VMP1: variants seen among roughly 807,000 people sequenced by gnomAD.
VMP1 encodes the protein vacuole membrane protein 1.
A neutral mutation model predicts 56.0 loss-of-function variants in VMP1; 11 were observed. The ratio of observed to expected loss-of-function variants is 0.20; its 90% CI spans 0.12 to 0.32. The LOEUF is 0.32. VMP1 is among the 10% of genes least tolerant of loss of function. VMP1 has a pLI of 1.00. For missense variants in VMP1, 296 were observed against 490.3 expected (o/e 0.60, Z 3.74); for synonymous variants, 149 against 165.0 (o/e 0.90, Z 0.74).
chr17:59,808,384 G>A (rs943917050), intron 7 of VMP1, among the ~76,000 whole-genome samples: 1 of 152,182 alleles, frequency 6.6e-6, no homozygotes, highest in African/African-American at 2.4e-5. Flanking sequence ...CCACATAACT[G>A]TTTTTTCCAT....
At chr17:59,708,990 T>G (rs976861677) in intron 1 of VMP1, among the ~76,000 whole-genome samples, 1 of 152,210 alleles carries the variant, frequency 6.6e-6, no homozygotes, top group Non-Finnish European at 1.5e-5. Context: ...TCCTACTTGA[T>G]TACAATTGAT....
chr17:59,756,639 T>A (rs2035851894), intron 5 of VMP1, among the ~76,000 whole-genome samples: 1 of 152,208 alleles, frequency 6.6e-6, no homozygotes, highest in Non-Finnish European at 1.5e-5. Context: ...TGGAAGAATG[T>A]CTGTCTGTCT....
chr17:59,708,503 G>T (rs911275816), intron 1 of VMP1, among the ~76,000 whole-genome samples: 1 of 152,162 alleles, frequency 6.6e-6, no homozygotes, highest in African/African-American at 2.4e-5. Flanking sequence ...TTATTTACCT[G>T]CAACTCCATG....
At chr17:59,730,256 T>G (rs1394882268) in intron 1 of VMP1, among the ~76,000 whole-genome samples, 2 of 152,064 alleles carry the variant, frequency 1.3e-5, no homozygotes, top group Non-Finnish European at 2.9e-5. Context: ...TCCTGTGGGT[T>G]GTATTTATTT....
At chr17:59,828,406 T>C (rs2038709354) in intron 10 of VMP1, among the ~76,000 whole-genome samples, 1 of 152,178 alleles carries the variant, frequency 6.6e-6, no homozygotes, top group Non-Finnish European at 1.5e-5. Flanking sequence ...CCTGATAAAA[T>C]ACACCTGGAG....
At position 59,751,426 on chromosome 17, in the gene VMP1, T is replaced by C. The variant is rs182663496; in HGVS notation, c.414+12479T>C. ...GGTTCATCTCTATGCAGCCAGTTTTTGTGAGTCAAAATTTCTATCTTAATA... is the reference window on the plus strand; with the variant it reads ...GGTTCATCTCTATGCAGCCAGTTTTCGTGAGTCAAAATTTCTATCTTAATA... On this transcript the variant is annotated intron_variant, in intron 5 of 11. Coordinates refer to ENST00000262291, the MANE Select transcript of VMP1 (RefSeq NM_030938.5). Among the ~76,000 whole-genome samples the C allele has an allele frequency of 1.3e-5, 2 of 152,132 alleles. 1 individual carries two copies. The highest frequency in any genetic ancestry group is 1.3e-4 in the Admixed American group (2 of 15,274).
At chr17:59,786,018 C>A (rs1443105877) in intron 7 of VMP1, among the ~76,000 whole-genome samples, 1 of 152,032 alleles carries the variant, frequency 6.6e-6, no homozygotes, top group African/African-American at 2.4e-5. Context: ...TGAAAAAAAT[C>A]TTATTTTTTA....
At chr17:59,809,560 G>T (rs1298691415) in intron 8 of VMP1, among the ~76,000 whole-genome samples, 2 of 126,396 alleles carry the variant, frequency 1.6e-5, no homozygotes. Context: ...AGGCGGTAGT[G>T]CAGTGGCGGG....
At chr17:59,765,584 A>G in intron 6 of VMP1, among the ~76,000 whole-genome samples, 1 of 152,360 alleles carries the variant, frequency 6.6e-6, no homozygotes, top group African/African-American at 2.4e-5. Flanking sequence ...AGTATTGTAT[A>G]CCATATTACA....
chr17:59,838,369 A>G lies in VMP1; in HGVS notation c.1049A>G (p.His350Arg). 1.2e-6 allele frequency: 2 copies of G among 1,614,034 alleles called. No individual in the cohort carries two copies. Among genetic ancestry groups the G allele is most frequent in the Non-Finnish European group, 1.7e-6 (2 of 1,179,974 alleles). The stretch of plus-strand genomic sequence containing the variant: ...CTGGAGGCTCAACGGCAGAAGCTTC[A>G]CCACAAAAGCGAAATGGGCACACCA... Reference protein sequence around the residue: ...EYLEAQRQKLHHKSEMGTPQG... With the variant: ...EYLEAQRQKLRHKSEMGTPQG... Residue 350 changes from histidine (H) to arginine (R), a missense_variant, in exon 11 of 12, where the codon CAC becomes CGC. Physicochemically the swap from His to Arg is conservative, Grantham distance 29. Around this residue, in one of 4 missense-constraint regions of VMP1, gnomAD observed 95 missense variants for 137.6 expected, o/e 0.69. Coordinates refer to ENST00000262291, the MANE Select transcript of VMP1 (RefSeq NM_030938.5).
intron 8 of VMP1, among the ~76,000 whole-genome samples, chr17:59,810,522 A>C (rs1398347995): frequency 1.3e-5 from 2 of 152,226 alleles, no homozygotes; most frequent in African/African-American, 4.8e-5. Flanking sequence ...TAAAGGAAAA[A>C]AAAGTTATAA....
At chr17:59,729,312 G>T (rs1264607832) in intron 1 of VMP1, among the ~76,000 whole-genome samples, 1 of 151,826 alleles carries the variant, frequency 6.6e-6, no homozygotes, top group Non-Finnish European at 1.5e-5. Flanking sequence ...GTGAAACCCC[G>T]TCTCTACTAA....
intron 5 of VMP1, among the ~76,000 whole-genome samples, chr17:59,764,578 C>T (rs1451553704): frequency 6.6e-6 from 1 of 152,178 alleles, no homozygotes; most frequent in African/African-American, 2.4e-5. Context: ...CCTGGCTCAG[C>T]CGCCCAAAGT....
chr17:59,743,911 GT>G (rs2035321199), intron 5 of VMP1, among the ~76,000 whole-genome samples: 1 of 151,822 alleles, frequency 6.6e-6, no homozygotes, highest in African/African-American at 2.4e-5. Context: ...TATTGCATTG[GT>G]TAGGTTTTCA....
chr17:59,790,818 C>A (rs1306957907), intron 7 of VMP1, among the ~76,000 whole-genome samples: 1 of 152,140 alleles, frequency 6.6e-6, no homozygotes. Context: ...AAAGTTTACA[C>A]TCAAATTATT....
intron 5 of VMP1, among the ~76,000 whole-genome samples, chr17:59,762,726 G>A (rs1165848934): frequency 1.3e-5 from 2 of 152,118 alleles, no homozygotes; most frequent in African/African-American, 2.4e-5. Context: ...TTAGTTGAGT[G>A]AATGAACAGA....
At chr17:59,794,689 A>G (rs1188938033) in intron 7 of VMP1, among the ~76,000 whole-genome samples, 1 of 151,314 alleles carries the variant, frequency 6.6e-6, no homozygotes, top group African/African-American at 2.4e-5. Context: ...TCTAAGAATA[A>G]TTTACTTACT....
chr17:59,831,576 C>T lies in VMP1; in HGVS notation c.975-6719C>T, dbSNP rs149761572. On this transcript the variant is annotated intron_variant, in intron 10 of 11. Transcript: ENST00000262291. ...TTTTGTTTGCAATTTGGCAAGGGCT[C>T]TTGGCAGAATTTTGCCCAAATGTTA... 8.0e-3 allele frequency among the ~76,000 whole-genome samples: 1,171 copies of T among 146,104 alleles called. 11 individuals are homozygous for T. Among genetic ancestry groups the T allele is most frequent in the African/African-American group, 0.026 (1,039 of 39,520 alleles).
Position 59,840,881 on chromosome 17 carries a change from A to T in VMP1, c.*970A>T, listed in dbSNP as rs547096758. The stretch of plus-strand genomic sequence containing the variant: ...CTGGAGAGAGAAATTACCCATTTCT[A>T]AAAAAAAACCACACTCTGTCGTATC... On this transcript the variant is annotated 3_prime_UTR_variant, in exon 12 of 12. Transcript: ENST00000262291. 1.3e-5 allele frequency: 2 copies of T among 153,704 alleles called. No individual in the cohort carries two copies. Among genetic ancestry groups the T allele is most frequent in the Admixed American group, 1.3e-4 (2 of 15,464 alleles). The allele number at this position is 153,704 out of a possible 1,614,324, so 9.5% of individuals were successfully genotyped here. A position where few individuals can be genotyped will look rare whatever the true frequency, so the allele number is the denominator to read the frequency against.
Sources: allele counts gnomAD v4.1 joint callset (sites outside exome capture counted in the v4.1 genomes callset), GRCh38; gene constraint gnomAD v4.1.1; regional missense constraint gnomAD v4.1.1; transcripts MANE v1.5; gene names NCBI Gene and HGNC (gene_info 2026-07-23, HGNC 2026-07-21).